INTS2: variants seen among roughly 807,000 people sequenced by gnomAD.
INTS2 encodes the protein KIAA1287.
In INTS2, 57 loss-of-function variants were observed where a neutral mutation model predicts 139.6. That is an observed-to-expected ratio of 0.41 (90% confidence interval 0.33 to 0.51). The LOEUF (loss-of-function observed/expected upper bound fraction) is 0.51. INTS2 is among the 20% of genes least tolerant of loss of function. The probability of loss-of-function intolerance (pLI) is 0.28; values close to 1 mark genes in which losing one functional copy is unlikely to be tolerated. For synonymous variants in INTS2, 473 were observed against 493.4 expected (o/e 0.96, Z 0.55); for missense variants, 1,196 against 1,436.7 (o/e 0.83, Z 2.71).
intron 16 of INTS2, among the ~76,000 whole-genome samples, chr17:61,884,556 T>A (rs7217474): frequency 0.067 from 9,899 of 148,058 alleles, 1,005 homozygotes; most frequent in African/African-American, 0.22. Context: ...GTTAAAAAAA[T>A]TTTTTTTTTT....
chr17:61,898,578 G>A (rs9900338), intron 9 of INTS2, among the ~76,000 whole-genome samples: 4,278 of 151,958 alleles, frequency 0.028, 191 homozygotes, highest in African/African-American at 0.098. Context: ...TTACAGAGGT[G>A]AGCCACCATG....
At chr17:61,918,563 A>T (rs1193129454) in intron 5 of INTS2, among the ~76,000 whole-genome samples, 1 of 152,072 alleles carries the variant, frequency 6.6e-6, no homozygotes, top group Non-Finnish European at 1.5e-5. Flanking sequence ...ATTTTGATAG[A>T]GCTCACACAA....
At chr17:61,887,309 C>T (rs2079238496) in intron 15 of INTS2, among the ~76,000 whole-genome samples, 1 of 151,744 alleles carries the variant, frequency 6.6e-6, no homozygotes, top group South Asian at 2.1e-4. Context: ...ATGGTAAAAC[C>T]CATTCTCTAC....
intron 5 of INTS2, among the ~76,000 whole-genome samples, chr17:61,915,298 A>T (rs550079448): frequency 6.6e-6 from 1 of 151,854 alleles, no homozygotes; most frequent in South Asian, 2.1e-4. Flanking sequence ...AGATCACTCC[A>T]CTGCACTCCA....
At chr17:61,925,527 A>G (rs891210487) in intron 2 of INTS2, among the ~76,000 whole-genome samples, 2 of 152,048 alleles carry the variant, frequency 1.3e-5, no homozygotes, top group African/African-American at 2.4e-5. Flanking sequence ...CAGTGAGCCG[A>G]GATCACGCCA....
chr17:61,905,979 G>A (rs1248671221), intron 8 of INTS2, among the ~76,000 whole-genome samples: 4 of 152,166 alleles, frequency 2.6e-5, no homozygotes, highest in Non-Finnish European at 1.5e-5. Flanking sequence ...TTACAGGCGT[G>A]AGCCACCGCG....
chr17:61,905,396 G>A (rs1031335444), intron 8 of INTS2, among the ~76,000 whole-genome samples: 21 of 152,184 alleles, frequency 1.4e-4, no homozygotes, highest in Admixed American at 1.0e-3. Flanking sequence ...GCACAATCTC[G>A]GCTCACTGCA....
At chr17:61,917,917 A>G (rs2079599583) in intron 5 of INTS2, among the ~76,000 whole-genome samples, 3 of 152,192 alleles carry the variant, frequency 2.0e-5, no homozygotes, top group South Asian at 4.1e-4. Flanking sequence ...TGACTTGGGG[A>G]AAAAAGTATA....
rs368937231 is a variant in INTS2, at chr17:61,876,604, T to C, written c.2456+1283A>G. On this transcript the variant is annotated intron_variant, in intron 18 of 24. Coordinates refer to ENST00000251334, the MANE Select transcript of INTS2 (RefSeq NM_001351695.2). The surrounding 1 kb of genome is among the most constrained non-coding windows in gnomAD (Gnocchi z 4.1). ...CAGGCATGCATGCACCACCATGCCCTGCTAATTTTTGTATTTTTTGTAGAG... is the reference window on the plus strand; with the variant it reads ...CAGGCATGCATGCACCACCATGCCCCGCTAATTTTTGTATTTTTTGTAGAG... Among the ~76,000 whole-genome samples, 7 of 152,020 alleles carry C rather than the reference T, an allele frequency of 4.6e-5. No homozygotes were observed. Among genetic ancestry groups the C allele is most frequent in the African/African-American group, 1.7e-4 (7 of 41,410 alleles).
chr17:61,926,973 T>A, intron 1 of INTS2: 1 of 376,624 alleles, frequency 2.7e-6, no homozygotes, highest in Non-Finnish European at 5.0e-6. Context: ...GTATTACTAG[T>A]TAGAGGCACA....
intron 2 of INTS2, 37 bp downstream of exon 2, chr17:61,926,315 C>T: frequency 6.7e-7 from 1 of 1,482,838 alleles, no homozygotes; most frequent in African/African-American, 1.4e-5. Flanking sequence ...TGTTCTTTGT[C>T]AAATCCAAAT....
intron 9 of INTS2, among the ~76,000 whole-genome samples, chr17:61,901,577 CTTTTTTTTTTTTTTTTTTTTTTTTTT>C (rs55751869): frequency 4.0e-5 from 2 of 49,448 alleles, no homozygotes; most frequent in African/African-American, 2.2e-4. Context: ...AGAATGATTT[CTTTTTTTTTTTTTTTTTTTTTTTTTT>C]TTTTTTTTTT....
In INTS2 at chr17:61,927,688, C is replaced by G. The variant is rs905456370; in HGVS notation, c.-53G>C. 7.0e-7 allele frequency: 1 copy of G among 1,436,674 alleles called. No individual in the cohort carries two copies. The highest frequency in any genetic ancestry group is 9.1e-7 in the Non-Finnish European group (1 of 1,099,240). 89.0% of individuals were successfully genotyped at this position (1,436,674 alleles called of 1,614,324 possible). A position where few individuals can be genotyped will look rare whatever the true frequency, so the allele number is the denominator to read the frequency against. On this transcript the variant is annotated 5_prime_UTR_variant, in exon 1 of 25. Transcript: ENST00000251334. ...TACCCTCCAGCCTCACGGAACCGCACACGGACTCCGCGTCCTAGAGGCGGG... is the reference window on the plus strand; with the variant it reads ...TACCCTCCAGCCTCACGGAACCGCAGACGGACTCCGCGTCCTAGAGGCGGG...
chr17:61,904,416 A>G (rs1233717519), intron 9 of INTS2, 44 bp downstream of exon 9: 1 of 1,409,276 alleles, frequency 7.1e-7, no homozygotes, highest in Non-Finnish European at 9.8e-7. Context: ...TGAGTAAATA[A>G]AAGTAAACCT....
At position 61,897,875 on chromosome 17, in the gene INTS2, T is replaced by C. The variant is rs576580025; in HGVS notation, c.1308-136A>G. The C allele has an allele frequency of 6.0e-6, 4 of 661,692 alleles. No individual in the cohort carries two copies. In the South Asian group the frequency reaches 7.6e-5, roughly 13 times the overall value. 41.0% of individuals were successfully genotyped at this position (661,692 alleles called of 1,614,324 possible). A position where few individuals can be genotyped will look rare whatever the true frequency, so the allele number is the denominator to read the frequency against. ...CAAGTATCAAGTCAAATTAAAGGCT[T>C]GCTGAATTGGGCCATTAATTGTCAT... is the stretch of plus-strand genomic sequence containing the variant. On this transcript the variant is annotated intron_variant, in intron 9 of 24. Transcript: ENST00000251334. The surrounding 1 kb of genome is among the most constrained non-coding windows in gnomAD (Gnocchi z 4.4).
At chr17:61,915,655 TAAA>T (rs61632097) in intron 5 of INTS2, among the ~76,000 whole-genome samples, 6 of 130,106 alleles carry the variant, frequency 4.6e-5, no homozygotes, top group Admixed American at 1.5e-4. Context: ...TGTCTCTAAT[TAAA>T]AAAAAAAAAA....
intron 17 of INTS2, among the ~76,000 whole-genome samples, chr17:61,879,575 G>A (rs990418971): frequency 5.9e-5 from 9 of 152,130 alleles, no homozygotes; most frequent in Admixed American, 1.3e-4. Flanking sequence ...GGCAGGCCAG[G>A]CACGGTGGTT....
rs2079126849 is a variant in INTS2 at position 61,876,364 on chromosome 17, G to A, written c.2457-1326C>T. Among the ~76,000 whole-genome samples, 2 of 151,702 alleles carry A rather than the reference G, an allele frequency of 1.3e-5. No individual in the cohort carries two copies. Among genetic ancestry groups the A allele is most frequent in the South Asian group, 4.2e-4 (2 of 4,808 alleles). Reference sequence around the variant, plus strand: ...ATAAACCAAGAAAGAGAAAAATATGGAATCCAACAAAGAAGAGTGACAATA... The same window carrying A: ...ATAAACCAAGAAAGAGAAAAATATGAAATCCAACAAAGAAGAGTGACAATA... On this transcript the variant is annotated intron_variant, in intron 18 of 24. Coordinates refer to ENST00000251334, the MANE Select transcript of INTS2 (RefSeq NM_001351695.2). This position sits in a 1 kb window ranked among gnomAD's most constrained non-coding sequence, Gnocchi z 4.1.
chr17:61,909,817 G>T lies in INTS2; in HGVS notation c.954+1703C>A, dbSNP rs201780255. On this transcript the variant is annotated intron_variant, in intron 7 of 24. Coordinates refer to ENST00000251334, the MANE Select transcript of INTS2 (RefSeq NM_001351695.2). The surrounding 1 kb of genome is among the most constrained non-coding windows in gnomAD (Gnocchi z 4.9). ...TACATATATACGTGTGTGTGTACAT[G>T]TGTGTATGTGTGTGTGTGTGTGTGT... is the stretch of plus-strand genomic sequence containing the variant. Among the ~76,000 whole-genome samples, 5 of 68,040 alleles carry T rather than the reference G, an allele frequency of 7.3e-5. No individual in the cohort carries two copies. The highest frequency in any genetic ancestry group is 3.0e-4 in the African/African-American group (5 of 16,764). 44.6% of individuals were successfully genotyped at this position (68,040 alleles called of 152,430 possible). A position where few individuals can be genotyped will look rare whatever the true frequency, so the allele number is the denominator to read the frequency against.
Sources: allele counts gnomAD v4.1 joint callset (sites outside exome capture counted in the v4.1 genomes callset), GRCh38; gene constraint gnomAD v4.1.1; non-coding constraint Gnocchi (gnomAD v3.1); transcripts MANE v1.5; gene names NCBI Gene and HGNC (gene_info 2026-07-23, HGNC 2026-07-21).